CACNA1H: variants seen among roughly 807,000 people sequenced by gnomAD.
CACNA1H encodes voltage-dependent T-type calcium channel subunit alpha-1H.
CACNA1H carries 149 observed loss-of-function variants against 192.5 expected under a neutral mutation model. That is an observed-to-expected ratio of 0.77 (90% CI 0.68 to 0.89). The LOEUF (loss-of-function observed/expected upper bound fraction) is 0.89. Among genes scored for constraint, CACNA1H ranks in the 40% least tolerant of loss-of-function variants. The pLI is 0.00. For missense variants in CACNA1H, 4,257 were observed against 3,423.5 expected, an observed-to-expected ratio of 1.24 and a Z score of -6.08; for synonymous variants, 2,202 against 1,475.2, an observed-to-expected ratio of 1.49 and a Z score of -11.29.
At chr16:1,168,221 C>T (rs1296173242) in intron 2 of CACNA1H, among the ~76,000 whole-genome samples, 1 of 151,908 alleles carries the variant, frequency 6.6e-6, no homozygotes, top group Admixed American at 6.5e-5. Flanking sequence ...AGTTTCTGCC[C>T]AGCTCACCCC....
Position 1,208,025 on chromosome 16 carries a change from G to A in CACNA1H, c.3167G>A (p.Cys1056Tyr), listed in dbSNP as rs970179168. 14 of 1,605,014 alleles carry A rather than the reference G, an allele frequency of 8.7e-6. No individual in the cohort carries two copies. The highest frequency in any genetic ancestry group is 1.1e-5 in the Non-Finnish European group (13 of 1,176,752). ...RELQTTELKM[C>Y]SLAVTPNGHL... is the part of the protein sequence containing the mutation. ...CTCTGTCCCGCAGAGCTGAAGATGT[G>A]TTCCCTGGCCGTGACCCCCAACGGG... The change falls in exon 16 of 35, where the codon TGT (cysteine) becomes TAT (tyrosine). Residue 1056 changes from cysteine to tyrosine, a missense_variant. Coordinates refer to ENST00000348261, the MANE Select transcript of CACNA1H (RefSeq NM_021098.3).
In CACNA1H at chr16:1,167,346, C is replaced by T. The variant is rs57787429; in HGVS notation, c.299+13310C>T. 1.6e-4 allele frequency among the ~76,000 whole-genome samples: 24 copies of T among 152,244 alleles called. No homozygotes were observed. The East Asian group carries it at 2.9e-3, about 18-fold the overall frequency. ...CACGGGTGCGGGGGCGATATCGGCG[C>T]GGAGCGGGCGGGGTGGCGCCCGGGC... On this transcript the variant is annotated intron_variant, in intron 2 of 34. Transcript: ENST00000348261. This position sits in a 1 kb window ranked among gnomAD's most constrained non-coding sequence, Gnocchi z 4.2.
At chr16:1,171,485 C>T (rs1352821764) in intron 2 of CACNA1H, among the ~76,000 whole-genome samples, 3 of 152,200 alleles carry the variant, frequency 2.0e-5, no homozygotes, top group Admixed American at 1.3e-4. Context: ...GGAGGAGGCC[C>T]GCGGGAAGCT....
chr16:1,201,044 A>G (rs1967818579), intron 8 of CACNA1H, among the ~76,000 whole-genome samples: 1 of 152,092 alleles, frequency 6.6e-6, no homozygotes, highest in African/African-American at 2.4e-5. Flanking sequence ...CTGAAGAGCC[A>G]GGAACACCCT....
chr16:1,218,849 G>T, intron 33 of CACNA1H, 121 bp from the exon 34 acceptor site: 1 of 1,201,512 alleles, frequency 8.3e-7, no homozygotes, highest in Admixed American at 2.1e-5. Flanking sequence ...GAGAGAGGAC[G>T]GGTCGGGCTG....
At chr16:1,161,859 TGTGGGGTGGGTCC>T (rs142903779) in intron 2 of CACNA1H, among the ~76,000 whole-genome samples, 2,615 of 152,060 alleles carry the variant, frequency 0.017, 82 homozygotes, top group African/African-American at 0.059. Context: ...GCAGCCTGCC[TGTGGGGTGGGTCC>T]GTGGGGTGGG....
intron 17 of CACNA1H, among the ~76,000 whole-genome samples, 187 bp from the exon 18 acceptor site, chr16:1,209,848 G>T (rs1018172697): frequency 6.6e-6 from 1 of 152,238 alleles, no homozygotes; most frequent in Non-Finnish European, 1.5e-5. Context: ...GCGTAGGGAA[G>T]GGGGAGGCTC....
Position 1,210,983 on chromosome 16 carries a change from C to A in CACNA1H, c.4223+12C>A. 1 of 1,589,798 alleles carries A rather than the reference C, an allele frequency of 6.3e-7. No homozygotes were observed. The highest frequency in any genetic ancestry group is 8.5e-7 in the Non-Finnish European group (1 of 1,173,224). ...CTGCGGCCTCTGAGGTGGGGGGCTC[C>A]CCGTGGGCTCCCGGGGCAACCTGGA... On this transcript the variant is annotated intron_variant, in intron 21 of 34. Transcript: ENST00000348261.
In CACNA1H at chr16:1,200,312, A is replaced by G; in HGVS notation, c.860A>G (p.Asn287Ser). The change falls in exon 7 of 35, where the codon AAC (asparagine) becomes AGC (serine). Residue 287 changes from asparagine to serine, a missense_variant. Coordinates refer to ENST00000348261, the MANE Select transcript of CACNA1H (RefSeq NM_021098.3). ...PYYQTEEGEE[N>S]PFICSSRRDN... ...TACCAGACGGAGGAGGGCGAGGAGA[A>G]CCCGTTCATCTGCTCCTCACGCCGA... 1 of 1,606,196 alleles carries G rather than the reference A, an allele frequency of 6.2e-7. No individual in the cohort carries two copies. The highest frequency in any genetic ancestry group is 1.7e-5 in the Admixed American group (1 of 59,318).
chr16:1,188,385 A>G (rs936055102), intron 2 of CACNA1H, among the ~76,000 whole-genome samples: 2 of 152,140 alleles, frequency 1.3e-5, no homozygotes, highest in Non-Finnish European at 2.9e-5. Context: ...GGGGTCCCAC[A>G]GCACCTCAGG....
At position 1,195,416 on chromosome 16, in the gene CACNA1H, A is replaced by C; in HGVS notation, c.412-16A>C. ...CTGAGCTGTTCCACGGGCCCTCCTG[A>C]TGCCTCCTCCCGCAGGCCTTTGACG... On this transcript the variant is annotated splice_polypyrimidine_tract_variant and intron_variant, in intron 3 of 34. Coordinates refer to ENST00000348261, the MANE Select transcript of CACNA1H (RefSeq NM_021098.3). 6.4e-7 allele frequency: 1 copy of C among 1,550,810 alleles called. No individual in the cohort carries two copies. Among genetic ancestry groups the C allele is most frequent in the Non-Finnish European group, 8.7e-7 (1 of 1,146,900 alleles).
chr16:1,207,723 C>G (rs772889639), intron 14 of CACNA1H, 47 bp from the exon 15 acceptor site: 1 of 1,493,848 alleles, frequency 6.7e-7, no homozygotes, highest in Non-Finnish European at 9.1e-7. Context: ...TGAAGGGTCC[C>G]CACTCACGGG....
In CACNA1H at chr16:1,204,089, C is replaced by T; in HGVS notation, c.2082C>T (p.Thr694=). The T allele has an allele frequency of 3.1e-6, 5 of 1,609,404 alleles. No homozygotes were observed. Among genetic ancestry groups the T allele is most frequent in the Non-Finnish European group, 4.2e-6 (5 of 1,178,582 alleles). The change falls in exon 10 of 35, where the codon ACC becomes ACT. Residue 694 remains threonine, a synonymous_variant. Transcript: ENST00000348261. ...CCAGCCCCCCAGCGGGCACACTGAC[C>T]TGTGAGCTGAAGAGCTGCCCGTACT... ...PLPSPPAGTL[T]CELKSCPYCT...
At chr16:1,210,516 C>T in intron 19 of CACNA1H, 23 bp downstream of exon 19, 1 of 1,611,100 alleles carries the variant, frequency 6.2e-7, no homozygotes, top group Non-Finnish European at 8.5e-7. Context: ...ACCCCATCGT[C>T]CCGGGCCACC....
chr16:1,212,151 C>T lies in CACNA1H; in HGVS notation c.4759+13C>T, dbSNP rs376556601. 57 of 1,589,560 alleles carry T rather than the reference C, an allele frequency of 3.6e-5. No homozygotes were observed. The South Asian group carries it at 4.9e-4, about 14-fold the overall frequency. ...AGGAGGCGCAGGAGTAAGGCGCTCC[C>T]GGTGGCGGTGGCGGTGGCGGGTCGG... On this transcript the variant is annotated intron_variant, in intron 25 of 34. Transcript: ENST00000348261.
Position 1,207,212 on chromosome 16 carries a change from C to T in CACNA1H, c.2908-63C>T, listed in dbSNP as rs1470341761. 6.4e-6 allele frequency: 10 copies of T among 1,556,892 alleles called. No individual in the cohort carries two copies. In the African/African-American group the frequency reaches 1.1e-4, roughly 17 times the overall value. On this transcript the variant is annotated intron_variant, in intron 13 of 34. Coordinates refer to ENST00000348261, the MANE Select transcript of CACNA1H (RefSeq NM_021098.3). Reference sequence around the variant, plus strand: ...CCTGCGCATCCATAGCTGCCTCTGCCCCAAGGACTTGCCGGCATTTCGGGG... The same window carrying T: ...CCTGCGCATCCATAGCTGCCTCTGCTCCAAGGACTTGCCGGCATTTCGGGG...
chr16:1,165,217 G>A (rs1963636417), intron 2 of CACNA1H, among the ~76,000 whole-genome samples: 2 of 152,132 alleles, frequency 1.3e-5, no homozygotes, highest in Non-Finnish European at 1.5e-5. Context: ...GAGAGCACAC[G>A]AGGCACAGGC....
Position 1,218,646 on chromosome 16 carries a change from C to T in CACNA1H, c.5882C>T (p.Pro1961Leu). ...ATGGAGACCTATGGGGCCGGCACCC[C>T]CTTGGGTATGGTAGCCAGCAGGAAG... Reference protein sequence around the residue: ...VEMETYGAGTPLGSVASVHSP... With the variant: ...VEMETYGAGTLLGSVASVHSP... The change falls in exon 33 of 35, where the codon CCC (proline) becomes CTC (leucine). Residue 1961 changes from proline to leucine, a missense_variant. By Grantham distance (98) the Pro-to-Leu change is moderately conservative (BLOSUM62 -3). Coordinates refer to ENST00000348261, the MANE Select transcript of CACNA1H (RefSeq NM_021098.3). 6.5e-7 allele frequency: 1 copy of T among 1,543,026 alleles called. No homozygotes were observed. Among genetic ancestry groups the T allele is most frequent in the Non-Finnish European group, 8.8e-7 (1 of 1,141,816 alleles).
intron 2 of CACNA1H, among the ~76,000 whole-genome samples, chr16:1,178,421 C>T (rs879856610): frequency 6.6e-6 from 1 of 151,678 alleles, no homozygotes; most frequent in Non-Finnish European, 1.5e-5. Flanking sequence ...AACCCACCCC[C>T]CCAAGTGCCT....
Sources: allele counts gnomAD v4.1 joint callset (sites outside exome capture counted in the v4.1 genomes callset), GRCh38; gene constraint gnomAD v4.1.1; non-coding constraint Gnocchi (gnomAD v3.1); transcripts MANE v1.5; gene names NCBI Gene and HGNC (gene_info 2026-07-23, HGNC 2026-07-21).